Variants in KIRREL3 observed in about 807,000 individuals in gnomAD.
KIRREL3 encodes the protein kin of IRRE-like protein 3.
In KIRREL3, 36 loss-of-function variants were observed where a neutral mutation model predicts 89.7. The ratio of observed to expected loss-of-function variants is 0.40; its 90% CI spans 0.31 to 0.53. KIRREL3 has a LOEUF of 0.53. Among genes scored for constraint, KIRREL3 ranks in the 20% least tolerant of loss-of-function variants. The probability of loss-of-function intolerance (pLI) is 0.49; values close to 1 mark genes in which losing one functional copy is unlikely to be tolerated. For missense variants in KIRREL3, 864 were observed against 1,056.6 expected, an observed-to-expected ratio of 0.82 and a Z score of 2.53; for synonymous variants, 445 against 441.4, an observed-to-expected ratio of 1.01 and a Z score of -0.10.
At chr11:126,465,556 C>T (rs1956694729) in intron 5 of KIRREL3, among the ~76,000 whole-genome samples, 1 of 152,206 alleles carries the variant, frequency 6.6e-6, no homozygotes, top group South Asian at 2.1e-4. Flanking sequence ...TTGGGGCAAA[C>T]CTCGTGGCGT....
At chr11:126,937,811 A>G (rs1433390930) in intron 1 of KIRREL3, among the ~76,000 whole-genome samples, 1 of 152,160 alleles carries the variant, frequency 6.6e-6, no homozygotes, top group East Asian at 1.9e-4. Flanking sequence ...AGGCAGGAGA[A>G]TGGTGTGAAC....
rs956434962 is a variant in KIRREL3, at chr11:126,429,128, C to T, written c.1806+51G>A. ...CATTGAGAAGCCTCTAGTCCCAGGA[C>T]CTTCTGGGAATGGAGTCACGGGATG... On this transcript the variant is annotated intron_variant, in intron 15 of 16. Transcript: ENST00000525144. This position sits in a 1 kb window ranked among gnomAD's most constrained non-coding sequence, Gnocchi z 5.2. 24 of 1,219,908 alleles carry T rather than the reference C, an allele frequency of 2.0e-5. No homozygotes were observed. Among genetic ancestry groups the T allele is most frequent in the Admixed American group, 7.3e-5 (4 of 55,002 alleles). The allele number at this position is 1,219,908 out of a possible 1,614,324, so 75.6% of individuals were successfully genotyped here.
At position 126,776,960 on chromosome 11, in the gene KIRREL3, G is replaced by A. The variant is rs1438749260; in HGVS notation, c.56-214048C>T. ...TTTGCAATCACAGATGCCCCATGTGGCTTCTTGAGAGATGTCAGGACTGCC... is the reference window on the plus strand; with the variant it reads ...TTTGCAATCACAGATGCCCCATGTGACTTCTTGAGAGATGTCAGGACTGCC... On this transcript the variant is annotated intron_variant, in intron 1 of 16. Transcript: ENST00000525144. The surrounding 1 kb of genome is among the most constrained non-coding windows in gnomAD (Gnocchi z 4.7). Among the ~76,000 whole-genome samples, 1 of 152,200 alleles carries A rather than the reference G, an allele frequency of 6.6e-6. No homozygotes were observed. The highest frequency in any genetic ancestry group is 1.5e-5 in the Non-Finnish European group (1 of 68,038).
intron 1 of KIRREL3, among the ~76,000 whole-genome samples, chr11:126,864,006 C>T (rs1944837673): frequency 6.6e-6 from 1 of 152,198 alleles, no homozygotes; most frequent in Non-Finnish European, 1.5e-5. Context: ...GTTCAGATGA[C>T]ACAGGTGGTG....
At chr11:126,533,008 T>C (rs60550316) in intron 2 of KIRREL3, among the ~76,000 whole-genome samples, 415 of 152,322 alleles carry the variant, frequency 2.7e-3, no homozygotes, top group African/African-American at 9.3e-3. Flanking sequence ...GGTCTTGCTA[T>C]GTTGCCCAGG....
chr11:126,532,095 T>C (rs185461112), intron 2 of KIRREL3, among the ~76,000 whole-genome samples: 289 of 152,342 alleles, frequency 1.9e-3, no homozygotes, highest in Non-Finnish European at 3.2e-3. Context: ...TGATGCCACA[T>C]CTTTGGCTGT....
intron 4 of KIRREL3, among the ~76,000 whole-genome samples, chr11:126,493,480 C>T (rs902633663): frequency 1.3e-5 from 2 of 151,832 alleles, no homozygotes; most frequent in African/African-American, 4.8e-5. Flanking sequence ...ACGGTGAAAC[C>T]CCACCTCTAC....
At chr11:126,887,866 T>A (rs73032217) in intron 1 of KIRREL3, among the ~76,000 whole-genome samples, 16,288 of 152,116 alleles carry the variant, frequency 0.11, 1,059 homozygotes, top group Non-Finnish European at 0.14. Context: ...AGGTCACCTG[T>A]CTCCCTGGGG....
Position 126,812,033 on chromosome 11 carries a change from G to C in KIRREL3, c.55+188422C>G, listed in dbSNP as rs188490192. Among the ~76,000 whole-genome samples the C allele has an allele frequency of 6.6e-6, 1 of 152,280 alleles. No homozygotes were observed. Among genetic ancestry groups the C allele is most frequent in the Non-Finnish European group, 1.5e-5 (1 of 68,018 alleles). ...CTATTGTTGGTGGCAAATATGAGCA[G>C]GTTAAGGCACTTTTCGGGATTAGAG... On this transcript the variant is annotated intron_variant, in intron 1 of 16. Coordinates refer to ENST00000525144, the MANE Select transcript of KIRREL3 (RefSeq NM_032531.4). The surrounding 1 kb of genome is among the most constrained non-coding windows in gnomAD (Gnocchi z 5.2).
At chr11:126,815,750 C>A (rs948727652) in intron 1 of KIRREL3, among the ~76,000 whole-genome samples, 3 of 152,016 alleles carry the variant, frequency 2.0e-5, no homozygotes, top group African/African-American at 7.2e-5. Flanking sequence ...TTAGTCAGGA[C>A]GGTCTCGATC....
rs1950287091 is a variant in KIRREL3 at position 126,780,213 on chromosome 11, A to T, written c.56-217301T>A. On this transcript the variant is annotated intron_variant, in intron 1 of 16. Transcript: ENST00000525144. This position sits in a 1 kb window ranked among gnomAD's most constrained non-coding sequence, Gnocchi z 5.3. ...GAAAAGACTGCAGAAGGAAGAAGAT[A>T]AGGAAGCAACAGAAACCCCAGCTAG... Among the ~76,000 whole-genome samples the T allele has an allele frequency of 6.6e-6, 1 of 152,130 alleles. No individual in the cohort carries two copies. The highest frequency in any genetic ancestry group is 1.5e-5 in the Non-Finnish European group (1 of 68,020).
chr11:126,473,572 C>A (rs1447910122), intron 4 of KIRREL3, 106 bp from the exon 5 acceptor site: 23 of 953,056 alleles, frequency 2.4e-5, no homozygotes, highest in Admixed American at 1.1e-4. Context: ...ATAATTATCA[C>A]ACATTAATAA....
rs1946469614 is a variant in KIRREL3, at chr11:126,903,898, A to G, written c.55+96557T>C. ...TGGGTACCTTGCTTGGTAGGCTTGCATTAGCTTCAGGTGCCCAACAATGAA... is the reference window on the plus strand; with the variant it reads ...TGGGTACCTTGCTTGGTAGGCTTGCGTTAGCTTCAGGTGCCCAACAATGAA... On this transcript the variant is annotated intron_variant, in intron 1 of 16. Coordinates refer to ENST00000525144, the MANE Select transcript of KIRREL3 (RefSeq NM_032531.4). This position sits in a 1 kb window ranked among gnomAD's most constrained non-coding sequence, Gnocchi z 4.5. Among the ~76,000 whole-genome samples the G allele has an allele frequency of 1.3e-5, 2 of 152,188 alleles. No individual in the cohort carries two copies. Among genetic ancestry groups the G allele is most frequent in the South Asian group, 4.1e-4 (2 of 4,824 alleles).
At chr11:126,707,285 T>C (rs1342779072) in intron 1 of KIRREL3, among the ~76,000 whole-genome samples, 1 of 145,742 alleles carries the variant, frequency 6.9e-6, no homozygotes, top group Non-Finnish European at 1.5e-5. Flanking sequence ...TGTACATACA[T>C]CACACATATA....
chr11:126,986,633 CTT>C (rs1308475062), intron 1 of KIRREL3, among the ~76,000 whole-genome samples: 1 of 152,146 alleles, frequency 6.6e-6, no homozygotes, highest in East Asian at 1.9e-4. Context: ...AGGAAGCACT[CTT>C]GATTTCTTTC....
At position 126,773,379 on chromosome 11, in the gene KIRREL3, C is replaced by T. The variant is rs1413113037; in HGVS notation, c.56-210467G>A. Among the ~76,000 whole-genome samples the T allele has an allele frequency of 6.6e-6, 1 of 152,202 alleles. No individual in the cohort carries two copies. The highest frequency in any genetic ancestry group is 2.4e-5 in the African/African-American group (1 of 41,442). The stretch of plus-strand genomic sequence containing the variant: ...AAGAAGGAACTCTCCAGCAGACGAC[C>T]TCTTGACTTGAATTGCAATGTGGAC... On this transcript the variant is annotated intron_variant, in intron 1 of 16. Transcript: ENST00000525144. This position sits in a 1 kb window ranked among gnomAD's most constrained non-coding sequence, Gnocchi z 4.2.
chr11:126,434,715 G>A (rs1239963490), intron 13 of KIRREL3, among the ~76,000 whole-genome samples: 2 of 152,220 alleles, frequency 1.3e-5, no homozygotes, highest in African/African-American at 4.8e-5. Flanking sequence ...GTGTGCCTGG[G>A]GAGGGAGGCG....
At chr11:126,950,963 A>T (rs374100177) in intron 1 of KIRREL3, among the ~76,000 whole-genome samples, 1 of 152,254 alleles carries the variant, frequency 6.6e-6, no homozygotes, top group Non-Finnish European at 1.5e-5. Context: ...CAGAGGTAGG[A>T]CAAAGATCAA....
chr11:126,726,905 A>T (rs2134183569), intron 1 of KIRREL3, among the ~76,000 whole-genome samples: 1 of 152,264 alleles, frequency 6.6e-6, no homozygotes, highest in Non-Finnish European at 1.5e-5. Flanking sequence ...CCTGGCTGTG[A>T]TGTCCTGGCT....
Sources: gnomAD v4.1 joint callset for allele counts (sites outside exome capture counted in the v4.1 genomes callset) on GRCh38, gnomAD v4.1.1 for gene constraint, Gnocchi (gnomAD v3.1) non-coding constraint, MANE v1.5 for transcripts, NCBI Gene and HGNC (gene_info 2026-07-23, HGNC 2026-07-21) for gene names.